The following USH2A variants were observed in gnomAD, a reference collection of about 807,000 sequenced individuals.
The protein encoded by USH2A is Usher syndrome 2A (autosomal recessive, mild).
In USH2A, 443 loss-of-function variants were observed where a neutral mutation model predicts 538.9. The ratio of observed to expected loss-of-function variants is 0.82; its 90% CI spans 0.76 to 0.89. The LOEUF (loss-of-function observed/expected upper bound fraction) is 0.89, where lower values mean the gene tolerates loss of function less well. Ranked by LOEUF, USH2A falls within the 40% of genes least tolerant of loss-of-function variation. USH2A has a pLI of 0.00. For synonymous variants in USH2A, 2,413 were observed against 2,273.5 expected, an observed-to-expected ratio of 1.06 and a Z score of -1.75; for missense variants, 6,633 against 6,324.8, an observed-to-expected ratio of 1.05 and a Z score of -1.65.
At chr1:215,836,333 T>TAA (rs1194509548) in intron 47 of USH2A, among the ~76,000 whole-genome samples, 1 of 147,564 alleles carries the variant, frequency 6.8e-6, no homozygotes, top group Non-Finnish European at 1.5e-5. Context: ...TATTATAGTG[T>TAA]TTTTTACATT....
At chr1:215,645,973 G>T (rs939885617) in intron 67 of USH2A, among the ~76,000 whole-genome samples, 1 of 151,244 alleles carries the variant, frequency 6.6e-6, no homozygotes, top group Non-Finnish European at 1.5e-5. Context: ...ATATTGTATA[G>T]CCATTAAAAT....
At chr1:216,179,633 G>A (rs1443034936) in intron 20 of USH2A, among the ~76,000 whole-genome samples, 2 of 152,074 alleles carry the variant, frequency 1.3e-5, no homozygotes, top group Admixed American at 6.6e-5. Context: ...TTCTTCTAAG[G>A]CTGGAAGGGG....
At chr1:216,030,418 T>C (rs11811577) in intron 32 of USH2A, among the ~76,000 whole-genome samples, 5,022 of 50,556 alleles carry the variant, frequency 0.099, 258 homozygotes, top group East Asian at 0.25. Context: ...TATAGATATA[T>C]ATCACAGACA....
intron 3 of USH2A, among the ~76,000 whole-genome samples, chr1:216,397,860 A>G (rs1490118282): frequency 6.6e-6 from 1 of 152,206 alleles, no homozygotes; most frequent in Non-Finnish European, 1.5e-5. Context: ...GTCGTGGGAC[A>G]TTGCCTTTAT....
chr1:216,335,935 A>G (rs1334513230), intron 4 of USH2A, among the ~76,000 whole-genome samples: 1 of 151,638 alleles, frequency 6.6e-6, no homozygotes, highest in Non-Finnish European at 1.5e-5. Context: ...TGAAACCAGT[A>G]TTACCCTAAT....
chr1:216,277,873 G>A (rs2036700626), intron 11 of USH2A, among the ~76,000 whole-genome samples: 1 of 152,048 alleles, frequency 6.6e-6, no homozygotes, highest in African/African-American at 2.4e-5. Context: ...GAAGGAGCAT[G>A]TGTCCCTGAA....
intron 61 of USH2A, among the ~76,000 whole-genome samples, chr1:215,692,840 T>A (rs1044859006): frequency 6.6e-6 from 1 of 152,056 alleles, no homozygotes; most frequent in Non-Finnish European, 1.5e-5. Flanking sequence ...TCCTCCCCCA[T>A]GCCCCAGTTG....
chr1:216,021,701 T>C (rs890812363), intron 32 of USH2A, among the ~76,000 whole-genome samples: 2 of 152,130 alleles, frequency 1.3e-5, no homozygotes, highest in African/African-American at 4.8e-5. Flanking sequence ...TCTCTCTTTC[T>C]CCATTCTGTT....
chr1:216,349,730 A>G (rs1164547492), intron 4 of USH2A, among the ~76,000 whole-genome samples: 3 of 152,188 alleles, frequency 2.0e-5, no homozygotes. Context: ...CCCCTTATTC[A>G]GCATATAATC....
intron 45 of USH2A, among the ~76,000 whole-genome samples, chr1:215,844,929 T>C (rs1663798435): frequency 6.6e-6 from 1 of 152,208 alleles, no homozygotes; most frequent in Non-Finnish European, 1.5e-5. Flanking sequence ...TGAAAAATCA[T>C]TTGATGTTAC....
chr1:215,664,130 T>C (rs1056265857), intron 64 of USH2A, among the ~76,000 whole-genome samples: 1 of 152,222 alleles, frequency 6.6e-6, no homozygotes, highest in African/African-American at 2.4e-5. Context: ...CCCTTCTGTT[T>C]AACTTAGTTT....
At chr1:216,128,886 C>T (rs76391115) in intron 21 of USH2A, among the ~76,000 whole-genome samples, 8,650 of 152,004 alleles carry the variant, frequency 0.057, 337 homozygotes, top group East Asian at 0.18. Flanking sequence ...TACCCATTAC[C>T]GAACACTTCT....
At chr1:215,858,204 T>C (rs992668487) in intron 44 of USH2A, among the ~76,000 whole-genome samples, 13 of 152,136 alleles carry the variant, frequency 8.5e-5, no homozygotes, top group African/African-American at 3.1e-4. Context: ...AATCCTATTA[T>C]GTATGATGCA....
rs557890575 is a variant in USH2A, at chr1:215,953,654, C to T, written c.7120+11663G>A. Among the ~76,000 whole-genome samples the T allele has an allele frequency of 2.0e-5, 3 of 152,034 alleles. No individual in the cohort carries two copies. In the East Asian group the frequency reaches 5.8e-4, roughly 29 times the overall value. On this transcript the variant is annotated intron_variant, in intron 37 of 71. Transcript: ENST00000307340. ...ATACCATTCAGGACATAGGCATGGG[C>T]AAGGACTTCATGTCTAAAACACCAA...
intron 32 of USH2A, among the ~76,000 whole-genome samples, chr1:216,010,453 C>T (rs1282137741): frequency 1.3e-5 from 2 of 151,974 alleles, no homozygotes; most frequent in Non-Finnish European, 2.9e-5. Context: ...GACCCCTTCT[C>T]GGCTTAGTGG....
At chr1:215,973,847 A>C (rs1667554025) in intron 35 of USH2A, among the ~76,000 whole-genome samples, 1 of 151,964 alleles carries the variant, frequency 6.6e-6, no homozygotes, top group Admixed American at 6.6e-5. Flanking sequence ...TATTTGTGAC[A>C]GTTAATTCAA....
intron 9 of USH2A, among the ~76,000 whole-genome samples, chr1:216,305,907 A>G (rs1437268805): frequency 1.3e-5 from 2 of 152,136 alleles, no homozygotes; most frequent in African/African-American, 4.8e-5. Context: ...TTTCCTTCAT[A>G]GGTTACCTGA....
intron 61 of USH2A, among the ~76,000 whole-genome samples, chr1:215,714,454 TTGCCATTTG>T (rs1456323586): frequency 6.6e-6 from 1 of 152,202 alleles, no homozygotes; most frequent in Non-Finnish European, 1.5e-5. Flanking sequence ...ATTGCTAGCC[TTGCCATTTG>T]TGCCATGAGG....
intron 61 of USH2A, among the ~76,000 whole-genome samples, chr1:215,698,243 T>G (rs1021151584): frequency 1.3e-5 from 2 of 152,184 alleles, no homozygotes; most frequent in Non-Finnish European, 2.9e-5. Context: ...GGCATTTGGG[T>G]TGGTTCCAAG....
Sources: gnomAD v4.1 joint callset for allele counts (sites outside exome capture counted in the v4.1 genomes callset) on GRCh38, gnomAD v4.1.1 for gene constraint, MANE v1.5 for transcripts, NCBI Gene and HGNC (gene_info 2026-07-23, HGNC 2026-07-21) for gene names.